Variants in CHRM3 observed in about 807,000 individuals in gnomAD.
CHRM3 encodes muscarinic acetylcholine receptor M3.
A neutral mutation model predicts 41.8 loss-of-function variants in CHRM3; 11 were observed. That is an observed-to-expected ratio of 0.26 (90% CI 0.17 to 0.44). The LOEUF is 0.44. CHRM3 is among the 20% of genes least tolerant of loss of function. The pLI is 1.00. For missense variants in CHRM3, 571 were observed against 745.4 expected, an observed-to-expected ratio of 0.77 and a Z score of 2.72; for synonymous variants, 297 against 301.4, an observed-to-expected ratio of 0.99 and a Z score of 0.15.
chr1:239,502,781 C>T (rs1050115338), intron 2 of CHRM3, among the ~76,000 whole-genome samples: 1 of 152,108 alleles, frequency 6.6e-6, no homozygotes, highest in Non-Finnish European at 1.5e-5. Flanking sequence ...CTGTGATACA[C>T]CACATAAACA....
At chr1:239,634,797 A>T (rs1012800491) in intron 4 of CHRM3, among the ~76,000 whole-genome samples, 55 of 152,316 alleles carry the variant, frequency 3.6e-4, no homozygotes, top group African/African-American at 1.3e-3. Context: ...GGGGAGCTGG[A>T]TAATGGAAAA....
chr1:239,894,487 C>A (rs907312084), intron 6 of CHRM3, among the ~76,000 whole-genome samples: 1 of 151,906 alleles, frequency 6.6e-6, no homozygotes, highest in Non-Finnish European at 1.5e-5. Context: ...GGTTGGAGTG[C>A]AGTAGCACGA....
chr1:239,621,746 G>A (rs1422633613), intron 3 of CHRM3, among the ~76,000 whole-genome samples: 1 of 152,186 alleles, frequency 6.6e-6, no homozygotes, highest in Non-Finnish European at 1.5e-5. Context: ...GCAGAGGTTG[G>A]TTCATGAGGT....
chr1:239,650,154 G>A (rs1243433226), intron 4 of CHRM3, among the ~76,000 whole-genome samples: 1 of 152,192 alleles, frequency 6.6e-6, no homozygotes, highest in East Asian at 1.9e-4. Context: ...AGTAACTGAT[G>A]TGTAAGTTTG....
intron 5 of CHRM3, among the ~76,000 whole-genome samples, chr1:239,815,371 T>C (rs1671492306): frequency 6.6e-6 from 1 of 152,224 alleles, no homozygotes; most frequent in Admixed American, 6.5e-5. Context: ...GTGGAGTTTT[T>C]CTCTTGCATT....
chr1:239,619,001 G>A (rs1402482994), intron 3 of CHRM3, among the ~76,000 whole-genome samples: 4 of 151,000 alleles, frequency 2.6e-5, no homozygotes, highest in East Asian at 4.0e-4. Context: ...TGCAACCTCC[G>A]CCTCCTGGGC....
intron 3 of CHRM3, among the ~76,000 whole-genome samples, chr1:239,599,198 A>C (rs1418669803): frequency 6.6e-6 from 1 of 152,100 alleles, no homozygotes; most frequent in Non-Finnish European, 1.5e-5. Flanking sequence ...TTCATCACCC[A>C]ATAAAACAAT....
At chr1:239,796,968 A>G (rs1009052355) in intron 5 of CHRM3, among the ~76,000 whole-genome samples, 1 of 152,128 alleles carries the variant, frequency 6.6e-6, no homozygotes, top group African/African-American at 2.4e-5. Flanking sequence ...ATTGCCTTTC[A>G]CCTTACACTA....
At chr1:239,884,814 T>A (rs1572590717) in intron 6 of CHRM3, among the ~76,000 whole-genome samples, 1 of 152,220 alleles carries the variant, frequency 6.6e-6, no homozygotes, top group East Asian at 1.9e-4. Flanking sequence ...GTAAAGTTTT[T>A]AAAATATCCC....
rs1400916140 is a variant in CHRM3, at chr1:239,907,208, T to C, written c.-19-225T>C. ...AGAAAAATGTGGGAAAAAAGCACAA[T>C]GTTCAGTGCATGCCACCAATTATAT... is the stretch of plus-strand genomic sequence containing the variant. On this transcript the variant is annotated intron_variant, in intron 6 of 6. Transcript: ENST00000676153. The surrounding 1 kb of genome is among the most constrained non-coding windows in gnomAD (Gnocchi z 5.4). Among the ~76,000 whole-genome samples the C allele has an allele frequency of 2.0e-5, 3 of 152,184 alleles. No individual in the cohort carries two copies. Among genetic ancestry groups the C allele is most frequent in the Non-Finnish European group, 4.4e-5 (3 of 68,028 alleles).
chr1:239,723,833 T>G (rs1327398265), intron 5 of CHRM3, among the ~76,000 whole-genome samples: 1 of 151,826 alleles, frequency 6.6e-6, no homozygotes, highest in Non-Finnish European at 1.5e-5. Context: ...AACTTAAAGA[T>G]GAGGCCTCAT....
chr1:239,721,824 A>G (rs1663001016), intron 5 of CHRM3, among the ~76,000 whole-genome samples: 1 of 151,906 alleles, frequency 6.6e-6, no homozygotes, highest in Admixed American at 6.6e-5. Flanking sequence ...ATTGGAGAAA[A>G]ATACAAACAA....
chr1:239,480,109 T>C (rs1666734804), intron 1 of CHRM3, among the ~76,000 whole-genome samples: 3 of 152,124 alleles, frequency 2.0e-5, no homozygotes, highest in Non-Finnish European at 2.9e-5. Flanking sequence ...AACCTAGAAT[T>C]CTACATCTAG....
At chr1:239,797,485 C>T (rs1669882094) in intron 5 of CHRM3, among the ~76,000 whole-genome samples, 1 of 151,196 alleles carries the variant, frequency 6.6e-6, no homozygotes, top group Admixed American at 6.6e-5. Context: ...TGGCTAGGCC[C>T]ACTTGAAGGA....
chr1:239,709,249 C>T (rs1301774146), intron 5 of CHRM3, among the ~76,000 whole-genome samples: 1 of 152,126 alleles, frequency 6.6e-6, no homozygotes, highest in Non-Finnish European at 1.5e-5. Flanking sequence ...TGTTTGCCAC[C>T]CCAAGTCTTT....
intron 4 of CHRM3, among the ~76,000 whole-genome samples, chr1:239,648,401 C>T (rs1026485437): frequency 6.6e-6 from 1 of 152,114 alleles, no homozygotes; most frequent in Admixed American, 6.5e-5. Context: ...AAAGGCAGCT[C>T]CTTCATGGTA....
chr1:239,568,238 A>T (rs1157705762), intron 3 of CHRM3, among the ~76,000 whole-genome samples: 1 of 152,080 alleles, frequency 6.6e-6, no homozygotes. Flanking sequence ...TTCAAATCTC[A>T]TCTTGAATTG....
At chr1:239,418,462 G>A (rs549504681) in intron 1 of CHRM3, among the ~76,000 whole-genome samples, 1 of 152,256 alleles carries the variant, frequency 6.6e-6, no homozygotes, top group South Asian at 2.1e-4. Flanking sequence ...ATCTGTGTAT[G>A]TGGTATGTGT....
At chr1:239,665,183 A>C (rs1309159792) in intron 4 of CHRM3, among the ~76,000 whole-genome samples, 1 of 133,750 alleles carries the variant, frequency 7.5e-6, no homozygotes, top group Non-Finnish European at 1.6e-5. Flanking sequence ...AAAAAAAAAA[A>C]GACTTTTTCT....
Sources: gnomAD v4.1 joint callset for allele counts (sites outside exome capture counted in the v4.1 genomes callset) on GRCh38, gnomAD v4.1.1 for gene constraint, Gnocchi (gnomAD v3.1) non-coding constraint, MANE v1.5 for transcripts, NCBI Gene and HGNC (gene_info 2026-07-23, HGNC 2026-07-21) for gene names.